AMZ1: variants seen among roughly 807,000 people sequenced by gnomAD.
The protein encoded by AMZ1 is archaemetzincin-1.
A neutral mutation model predicts 29.9 loss-of-function variants in AMZ1; 39 were observed. That is an observed-to-expected ratio of 1.30 (90% CI 1.01 to 1.70). The LOEUF (loss-of-function observed/expected upper bound fraction) is 1.70. Among genes scored for constraint, AMZ1 ranks in the 40% most tolerant of loss-of-function variants. The pLI is 0.00. For synonymous variants in AMZ1, 458 were observed against 304.0 expected (o/e 1.51, Z -5.27); for missense variants, 1,041 against 680.6 (o/e 1.53, Z -5.89).
intron 4 of AMZ1, among the ~76,000 whole-genome samples, chr7:2,758,041 T>C (rs1791385871): frequency 1.3e-5 from 2 of 152,180 alleles, no homozygotes; most frequent in South Asian, 4.1e-4. Context: ...AACCTCTTGC[T>C]TGGGGATGAG....
chr7:2,742,155 G>A (rs1790539205), intron 4 of AMZ1, among the ~76,000 whole-genome samples: 1 of 151,966 alleles, frequency 6.6e-6, no homozygotes. Context: ...CCGAGTAGCT[G>A]GGATTACAGA....
chr7:2,710,438 G>C (rs545935392), intron 6 of AMZ1, among the ~76,000 whole-genome samples: 1 of 152,336 alleles, frequency 6.6e-6, no homozygotes, highest in African/African-American at 2.4e-5. Flanking sequence ...TGCTCACTGC[G>C]TACAGGCACC....
rs1211672056 is a variant in AMZ1, at chr7:2,714,952, G to T, written c.*2074G>T. On this transcript the variant is annotated 3_prime_UTR_variant, in exon 7 of 7. Transcript: ENST00000683327. ...CAGAGAAGCTCAGATGTAGCATTAG[G>T]ACCTTCATCCATACCCTTCTCTTTT... 6.6e-6 allele frequency: 1 copy of T among 152,228 alleles called. No individual in the cohort carries two copies. The highest frequency in any genetic ancestry group is 1.9e-4 in the East Asian group (1 of 5,308). The allele number at this position is 152,228 out of a possible 1,614,324, so 9.4% of individuals were successfully genotyped here.
At chr7:2,745,731 G>C (rs866477399) in intron 4 of AMZ1, among the ~76,000 whole-genome samples, 5 of 152,184 alleles carry the variant, frequency 3.3e-5, no homozygotes, top group South Asian at 4.1e-4. Context: ...TGGCAAATTG[G>C]ATAAAGAGTC....
At chr7:2,697,985 G>A (rs537313849) in intron 1 of AMZ1, among the ~76,000 whole-genome samples, 2 of 152,064 alleles carry the variant, frequency 1.3e-5, no homozygotes, top group South Asian at 2.1e-4. Context: ...ATACAGCTGT[G>A]TCACATTTTC....
chr7:2,727,175 G>A (rs1031372355), intron 4 of AMZ1, among the ~76,000 whole-genome samples: 1 of 152,078 alleles, frequency 6.6e-6, no homozygotes, highest in Non-Finnish European at 1.5e-5. Context: ...TCTGCCTACC[G>A]GGTTCAAGCG....
Position 2,718,448 on chromosome 7 carries a change from T to C in AMZ1, c.*5570T>C, listed in dbSNP as rs368323787. The stretch of plus-strand genomic sequence containing the variant: ...TGTGAGTCTGTCTCGTGGGCCTCCT[T>C]CAGTGGTCTGTGACCAGCGGGAATG... On this transcript the variant is annotated 3_prime_UTR_variant, in exon 7 of 7. Transcript: ENST00000683327. Among the ~76,000 whole-genome samples, 49 of 152,316 alleles carry C rather than the reference T, an allele frequency of 3.2e-4. No individual in the cohort carries two copies. Among genetic ancestry groups the C allele is most frequent in the African/African-American group, 1.1e-3 (44 of 41,584 alleles).
chr7:2,681,973 T>A (rs1008173648), intron 1 of AMZ1, among the ~76,000 whole-genome samples: 2 of 151,798 alleles, frequency 1.3e-5, no homozygotes, highest in African/African-American at 4.8e-5. Context: ...GGAGGAGGGG[T>A]CCTGGGGGAG....
rs965669774 is a variant in AMZ1, at chr7:2,752,984, G to C, written n.551-11728G>C. Among the ~76,000 whole-genome samples, 5 of 152,220 alleles carry C rather than the reference G, an allele frequency of 3.3e-5. No homozygotes were observed. In the East Asian group the frequency reaches 9.6e-4, roughly 29 times the overall value. The stretch of plus-strand genomic sequence containing the variant: ...CTGTCCCACCACAACGGTCTCCCTC[G>C]TGCTACCAATTTATAATCACAGCCA... On this transcript the variant is annotated intron_variant and non_coding_transcript_variant, in intron 4 of 4. Transcript: ENST00000489665.
chr7:2,730,041 C>G (rs967737255), intron 4 of AMZ1: 3 of 152,364 alleles, frequency 2.0e-5, no homozygotes, highest in Non-Finnish European at 4.4e-5. Context: ...GAGCGGCGAA[C>G]AGGCACGGCT....
chr7:2,721,509 G>A (rs1391719835), downstream of AMZ1, among the ~76,000 whole-genome samples: 2 of 152,168 alleles, frequency 1.3e-5, no homozygotes, highest in Non-Finnish European at 2.9e-5. Flanking sequence ...GAGGTCAGGA[G>A]ATCGAGACCA....
At chr7:2,683,917 C>T (rs138668605), upstream of AMZ1, among the ~76,000 whole-genome samples, 173 of 151,642 alleles carry the variant, frequency 1.1e-3, 1 homozygote, top group African/African-American at 4.0e-3. Context: ...GTGGCTCATG[C>T]CTATAATCCC....
intron 4 of AMZ1, among the ~76,000 whole-genome samples, chr7:2,745,442 T>G (rs1328780673): frequency 4.6e-5 from 7 of 152,144 alleles, no homozygotes; most frequent in African/African-American, 1.7e-4. Flanking sequence ...GAAGGAGAAA[T>G]AAAATACTTT....
Position 2,712,873 on chromosome 7 carries a change from A to T in AMZ1, c.1492A>T (p.Ser498Cys), listed in dbSNP as rs1053074722. The change falls in exon 7 of 7, where the codon AGT becomes TGT. Residue 498 changes from serine to cysteine, a missense_variant. Physicochemically the swap from Ser to Cys is moderately radical, Grantham distance 112 (BLOSUM62 -1). Transcript: ENST00000683327. ...CCCCCGTCCCTGGGATGGGGAAGAG[A>T]GTTAGTACAGCAGGGGCTGCCCTAC... Reference protein sequence around the residue: ...SAPRPWDGEES With the variant: ...SAPRPWDGEEC 2.6e-6 allele frequency: 4 copies of T among 1,518,628 alleles called. No individual in the cohort carries two copies. The highest frequency in any genetic ancestry group is 3.5e-6 in the Non-Finnish European group (4 of 1,133,390). 94.1% of individuals were successfully genotyped at this position (1,518,628 alleles called of 1,614,324 possible). A position where few individuals can be genotyped will look rare whatever the true frequency, so the allele number is the denominator to read the frequency against.
upstream of AMZ1, among the ~76,000 whole-genome samples, chr7:2,760,834 G>C (rs1583252296): frequency 2.0e-5 from 3 of 152,222 alleles, no homozygotes; most frequent in South Asian, 4.1e-4. Flanking sequence ...AGGTTAGCTT[G>C]TCTGCAAGAG....
At chr7:2,755,138 C>T (rs996310980) in intron 4 of AMZ1, among the ~76,000 whole-genome samples, 5 of 152,202 alleles carry the variant, frequency 3.3e-5, no homozygotes, top group Non-Finnish European at 4.4e-5. Flanking sequence ...TCTCTCCCTG[C>T]GCCAGCACCA....
Position 2,756,379 on chromosome 7 carries a change from A to G in AMZ1, n.551-8333A>G, listed in dbSNP as rs530984012. Among the ~76,000 whole-genome samples the G allele has an allele frequency of 3.3e-5, 5 of 152,370 alleles. No individual in the cohort carries two copies. The East Asian group carries it at 9.6e-4, about 29-fold the overall frequency. ...CTGAAAAAAACATAGGATGTCAGGT[A>G]TGGTGGCTCACATTTATAATCCTAC... On this transcript the variant is annotated intron_variant and non_coding_transcript_variant, in intron 4 of 4. Coordinates refer to the AMZ1 transcript ENST00000489665.
intron 4 of AMZ1, among the ~76,000 whole-genome samples, chr7:2,727,258 T>C (rs941520906): frequency 6.6e-6 from 1 of 152,048 alleles, no homozygotes; most frequent in Non-Finnish European, 1.5e-5. Flanking sequence ...ATTTTTGTAT[T>C]TTTAGTAGAG....
intron 4 of AMZ1, among the ~76,000 whole-genome samples, chr7:2,739,520 G>T (rs1322993948): frequency 6.6e-6 from 1 of 152,130 alleles, no homozygotes; most frequent in South Asian, 2.1e-4. Flanking sequence ...ATGGATATGT[G>T]GTTTGTTTTT....
Sources: gnomAD v4.1 joint callset for allele counts (sites outside exome capture counted in the v4.1 genomes callset) on GRCh38, gnomAD v4.1.1 for gene constraint, MANE v1.5 for transcripts, NCBI Gene and HGNC (gene_info 2026-07-23, HGNC 2026-07-21) for gene names.